The following FLT3LG variants were observed in gnomAD, a reference collection of about 807,000 sequenced individuals.
FLT3LG encodes fms related receptor tyrosine kinase 3 ligand.
FLT3LG carries 8 observed loss-of-function variants against 30.9 expected under a neutral mutation model. The observed-to-expected ratio is 0.26, with a 90% CI of 0.15 to 0.47. The LOEUF is 0.47. Ranked by LOEUF, FLT3LG falls within the 20% of genes least tolerant of loss-of-function variation. The pLI is 0.99. For synonymous variants in FLT3LG, 123 were observed against 135.9 expected, an observed-to-expected ratio of 0.91 and a Z score of 0.66; for missense variants, 278 against 306.2, an observed-to-expected ratio of 0.91 and a Z score of 0.69.
chr19:49,480,553 T>C lies in FLT3LG; in HGVS notation c.662T>C (p.Val221Ala). ...RRRTPRPGEQ[V>A]PPVPSPQDLL... ...TGGCTGACACTTTGGGGCCCACAGG[T>C]GCCCCCCGTCCCCAGTCCCCAGGAC... The change falls in exon 8 of 9, where the codon GTG becomes GCG. Residue 221 changes from valine to alanine, a missense_variant and splice_region_variant. Transcript: ENST00000597551. 6.2e-7 allele frequency: 1 copy of C among 1,612,682 alleles called. No homozygotes were observed. Among genetic ancestry groups the C allele is most frequent in the Non-Finnish European group, 8.5e-7 (1 of 1,179,520 alleles).
chr19:49,478,917 C>CG lies in FLT3LG; in HGVS notation c.351_352insG (p.Ser118GlufsTer189). 1 of 1,538,270 alleles carries CG rather than the reference C, an allele frequency of 6.5e-7. No individual in the cohort carries two copies. Among genetic ancestry groups the CG allele is most frequent in the Non-Finnish European group, 8.8e-7 (1 of 1,140,576 alleles). ...CCCTCCCCTGCTCCCAGCCCCCCCCCAGCTGTCTTCGCTTCGTCCAGACCA... is the reference window on the plus strand; with the variant it reads ...CCCTCCCCTGCTCCCAGCCCCCCCCCGAGCTGTCTTCGCTTCGTCCAGACCA... On this transcript the variant is annotated frameshift_variant, in exon 6 of 9. Transcript: ENST00000597551. LOFTEE classifies it high-confidence loss of function.
At chr19:49,474,489 G>T in intron 1 of FLT3LG, 114 bp from the exon 2 acceptor site, 2 of 710,330 alleles carry the variant, frequency 2.8e-6, no homozygotes, top group East Asian at 2.7e-5. Context: ...GGGGAGGAAG[G>T]GGCGGAAACT....
chr19:49,476,027 G>A lies in FLT3LG; in HGVS notation c.145-118G>A. 8.2e-7 allele frequency: 1 copy of A among 1,215,982 alleles called. No homozygotes were observed. Among genetic ancestry groups the A allele is most frequent in the Admixed American group, 1.7e-5 (1 of 58,846 alleles). The allele number at this position is 1,215,982 out of a possible 1,614,324, so 75.3% of individuals were successfully genotyped here. A position where few individuals can be genotyped will look rare whatever the true frequency, so the allele number is the denominator to read the frequency against. On this transcript the variant is annotated intron_variant, in intron 3 of 8. Coordinates refer to ENST00000597551, the MANE Select transcript of FLT3LG (RefSeq NM_001459.4). The surrounding 1 kb of genome is among the most constrained non-coding windows in gnomAD (Gnocchi z 5.3). ...AGGGCAAGGTTCTGTGGCTTCTTCTGGGCTCCCCCTCTCTTGGTCTTGTCC... is the reference window on the plus strand; with the variant it reads ...AGGGCAAGGTTCTGTGGCTTCTTCTAGGCTCCCCCTCTCTTGGTCTTGTCC...
intron 6 of FLT3LG, among the ~76,000 whole-genome samples, 179 bp downstream of exon 6, chr19:49,479,226 G>A (rs1007457833): frequency 7.1e-5 from 10 of 139,978 alleles, no homozygotes; most frequent in Admixed American, 1.5e-4. Flanking sequence ...ACGGAGTCTC[G>A]CACTGTCGCC....
At position 49,480,587 on chromosome 19, in the gene FLT3LG, T is replaced by G; in HGVS notation, c.696T>G (p.Leu232=). The change falls in exon 8 of 9, where the codon CTT becomes CTG. Residue 232 remains leucine (L), a synonymous_variant. Coordinates refer to ENST00000597551, the MANE Select transcript of FLT3LG (RefSeq NM_001459.4). ...PPVPSPQDLL[L]VEH is the part of the protein sequence containing the mutation. Reference sequence around the variant, plus strand: ...TCCCCAGTCCCCAGGACCTGCTGCTTGTGGAGCACTGACCTGGCCAAGGCC... The same window carrying G: ...TCCCCAGTCCCCAGGACCTGCTGCTGGTGGAGCACTGACCTGGCCAAGGCC... 1.2e-6 allele frequency: 2 copies of G among 1,613,086 alleles called. No homozygotes were observed. Among genetic ancestry groups the G allele is most frequent in the Non-Finnish European group, 1.7e-6 (2 of 1,179,666 alleles).
chr19:49,483,505 G>T (rs2079685758), intron 8 of FLT3LG, among the ~76,000 whole-genome samples: 1 of 152,014 alleles, frequency 6.6e-6, no homozygotes, highest in Non-Finnish European at 1.5e-5. Context: ...TAGTCAAGTT[G>T]TTCAAAACAT....
intron 5 of FLT3LG, among the ~76,000 whole-genome samples, chr19:49,477,006 G>A (rs2079417557): frequency 1.3e-5 from 2 of 152,012 alleles, no homozygotes; most frequent in African/African-American, 2.4e-5. Flanking sequence ...AATTAGCCGG[G>A]CATGGTGGCT....
intron 5 of FLT3LG, among the ~76,000 whole-genome samples, chr19:49,477,275 T>C (rs2079426157): frequency 1.3e-5 from 2 of 151,708 alleles, no homozygotes; most frequent in South Asian, 4.2e-4. Context: ...ACCTCATCTC[T>C]GCACAAAAAT....
At chr19:49,484,289 T>A (rs1344866509) in intron 8 of FLT3LG, among the ~76,000 whole-genome samples, 1 of 83,334 alleles carries the variant, frequency 1.2e-5, no homozygotes, top group Admixed American at 1.0e-4. Flanking sequence ...TTTATTATAA[T>A]TTTTTTTTTT....
intron 6 of FLT3LG, among the ~76,000 whole-genome samples, chr19:49,480,069 GC>G (rs1279027233): frequency 2.6e-5 from 4 of 152,100 alleles, no homozygotes; most frequent in Non-Finnish European, 5.9e-5. Flanking sequence ...CTCCCAAAGT[GC>G]TGGGATTATA....
chr19:49,480,128 G>T (rs1015950779), intron 6 of FLT3LG, among the ~76,000 whole-genome samples, 170 bp from the exon 7 acceptor site: 1 of 152,218 alleles, frequency 6.6e-6, no homozygotes, highest in Non-Finnish European at 1.5e-5. Context: ...ATTTGTGACA[G>T]TCTGATGAGG....
chr19:49,476,438 G>A lies in FLT3LG; in HGVS notation c.214G>A (p.Gly72Ser). The A allele has an allele frequency of 6.2e-7, 1 of 1,613,430 alleles. No homozygotes were observed. The highest frequency in any genetic ancestry group is 8.5e-7 in the Non-Finnish European group (1 of 1,179,790). ...TCCCCTCTAGGAGGAGCTCTGCGGG[G>A]GCCTCTGGCGGCTGGTCCTGGCACA... ...SNLQDEELCG[G>S]LWRLVLAQRW... Residue 72 changes from glycine (G) to serine (S), a missense_variant, in exon 5 of 9, where the codon GGC (glycine) becomes AGC (serine). By Grantham distance (56) the Gly-to-Ser change is moderately conservative. Coordinates refer to ENST00000597551, the MANE Select transcript of FLT3LG (RefSeq NM_001459.4). The surrounding 1 kb of genome is among the most constrained non-coding windows in gnomAD (Gnocchi z 5.3).
Position 49,475,734 on chromosome 19 carries a change from G to T in FLT3LG, c.77G>T (p.Gly26Val). The T allele has an allele frequency of 6.2e-7, 1 of 1,611,482 alleles. No individual in the cohort carries two copies. Residue 26 changes from glycine to valine, a missense_variant, in exon 3 of 9, where the codon GGG becomes GTG. Gly to Val is a moderately radical substitution (Grantham distance 109). Around this residue, in one of 3 missense-constraint regions of FLT3LG, gnomAD observed 40 missense variants for 34.3 expected, o/e 1.17. Transcript: ENST00000597551. ...LLLLLSSGLS[G>V]TQDCSFQHSP... ...CTGCTGCTGAGCTCGGGACTCAGTG[G>T]GACCCAGGACTGCTCCTTCCAACAC...
At chr19:49,485,012 G>A (rs1232739224) in intron 8 of FLT3LG, among the ~76,000 whole-genome samples, 3 of 151,540 alleles carry the variant, frequency 2.0e-5, no homozygotes, top group African/African-American at 4.8e-5. Flanking sequence ...GCTTGAACCC[G>A]GGAGGCAGAG....
In FLT3LG at chr19:49,479,025, C is replaced by T; in HGVS notation, c.459C>T (p.Cys153=). 1 of 1,608,500 alleles carries T rather than the reference C, an allele frequency of 6.2e-7. No individual in the cohort carries two copies. Among genetic ancestry groups the T allele is most frequent in the Non-Finnish European group, 8.5e-7 (1 of 1,177,572 alleles). Residue 153 remains cysteine, a synonymous_variant, in exon 6 of 9, where the codon TGC becomes TGT. Coordinates refer to ENST00000597551, the MANE Select transcript of FLT3LG (RefSeq NM_001459.4). ...PWITRQNFSR[C]LELQCQPDSS... is the part of the protein sequence containing the mutation. ...TCACTCGCCAGAACTTCTCCCGGTG[C>T]CTGGAGCTGCAGTGTCAGCCCGGTA...
intron 2 of FLT3LG, among the ~76,000 whole-genome samples, chr19:49,475,098 T>C (rs867577523): frequency 2.3e-5 from 1 of 43,390 alleles, no homozygotes; most frequent in Middle Eastern, 0.026. Flanking sequence ...GGAGGGGGTA[T>C]GGACAGAGGA....
chr19:49,482,752 C>T (rs1306217247), intron 8 of FLT3LG, among the ~76,000 whole-genome samples: 1 of 151,662 alleles, frequency 6.6e-6, no homozygotes, highest in Non-Finnish European at 1.5e-5. Flanking sequence ...TTCAGTCTAC[C>T]GAGTAGCTGG....
At position 49,475,716 on chromosome 19, in the gene FLT3LG, T is replaced by C; in HGVS notation, c.59T>C (p.Leu20Pro). 1 of 1,609,764 alleles carries C rather than the reference T, an allele frequency of 6.2e-7. No homozygotes were observed. Among genetic ancestry groups the C allele is most frequent in the Non-Finnish European group, 8.5e-7 (1 of 1,179,784 alleles). The change falls in exon 3 of 9, where the codon CTG becomes CCG. Residue 20 changes from leucine to proline, a missense_variant. Physicochemically the swap from Leu to Pro is moderately conservative, Grantham distance 98 (BLOSUM62 -3). Transcript: ENST00000597551. ...ACCTATCTCCTCCTGCTGCTGCTGC[T>C]GAGCTCGGGACTCAGTGGGACCCAG... Reference protein sequence around the residue: ...PTTYLLLLLLLSSGLSGTQDC... With the variant: ...PTTYLLLLLLPSSGLSGTQDC...
chr19:49,479,907 C>A (rs145834657), intron 6 of FLT3LG, among the ~76,000 whole-genome samples: 3 of 151,834 alleles, frequency 2.0e-5, no homozygotes. Context: ...AGGGTTCAAG[C>A]GAATCTTCTG....
Sources: gnomAD v4.1 joint callset for allele counts (sites outside exome capture counted in the v4.1 genomes callset) on GRCh38, gnomAD v4.1.1 for gene constraint, gnomAD v4.1.1 regional missense constraint, Gnocchi (gnomAD v3.1) non-coding constraint, MANE v1.5 for transcripts, NCBI Gene and HGNC (gene_info 2026-07-23, HGNC 2026-07-21) for gene names.